Variants in TRABD2B observed in about 807,000 individuals in gnomAD.
TRABD2B encodes TraB domain containing 2B, also known as metalloprotease TIKI2.
TRABD2B carries 14 observed loss-of-function variants against 40.1 expected under a neutral mutation model. The ratio of observed to expected loss-of-function variants is 0.35; its 90% CI spans 0.23 to 0.55. The LOEUF is 0.55. TRABD2B is among the 20% of genes least tolerant of loss of function. The pLI is 0.90. For synonymous variants in TRABD2B, 263 were observed against 277.0 expected, an observed-to-expected ratio of 0.95 and a Z score of 0.50; for missense variants, 541 against 648.6, an observed-to-expected ratio of 0.83 and a Z score of 1.80.
intron 2 of TRABD2B, among the ~76,000 whole-genome samples, chr1:47,883,605 C>A (rs7531348): frequency 6.6e-6 from 1 of 152,132 alleles, no homozygotes; most frequent in East Asian, 1.9e-4. Flanking sequence ...AGCTGTGTCA[C>A]AAGTCAGGAC....
At chr1:47,767,766 C>T (rs12409657) in intron 6 of TRABD2B, among the ~76,000 whole-genome samples, 33,913 of 152,202 alleles carry the variant, frequency 0.22, 4,207 homozygotes, top group East Asian at 0.4. Flanking sequence ...GCCTTCCTGC[C>T]ACGCTTCCCA....
intron 2 of TRABD2B, among the ~76,000 whole-genome samples, chr1:47,865,718 T>A (rs183464808): frequency 1.2e-4 from 18 of 152,292 alleles, no homozygotes; most frequent in Non-Finnish European, 2.5e-4. Context: ...CTAATGATCC[T>A]CTGGCCTTGC....
At chr1:47,899,844 A>C (rs143050405) in intron 2 of TRABD2B, among the ~76,000 whole-genome samples, 114 of 152,286 alleles carry the variant, frequency 7.5e-4, no homozygotes, top group African/African-American at 2.5e-3. Context: ...CAGTGCTGTC[A>C]GAGTGCAGCC....
chr1:47,813,556 T>C lies in TRABD2B; in HGVS notation c.667-11937A>G, dbSNP rs1468012507. Among the ~76,000 whole-genome samples, 1 of 152,190 alleles carries C rather than the reference T, an allele frequency of 6.6e-6. No individual in the cohort carries two copies. The highest frequency in any genetic ancestry group is 6.5e-5 in the Admixed American group (1 of 15,280). The stretch of plus-strand genomic sequence containing the variant: ...GTGTGAAGTTCTTATTCTGGCTCTT[T>C]GGGGCAGACTCTTCTCTTCTCTTTG... On this transcript the variant is annotated intron_variant, in intron 2 of 6. Coordinates refer to ENST00000606738, the MANE Select transcript of TRABD2B (RefSeq NM_001194986.2). This position sits in a 1 kb window ranked among gnomAD's most constrained non-coding sequence, Gnocchi z 4.3.
chr1:47,897,593 G>T (rs1196495856), intron 2 of TRABD2B, among the ~76,000 whole-genome samples: 1 of 152,178 alleles, frequency 6.6e-6, no homozygotes, highest in East Asian at 1.9e-4. Flanking sequence ...AAAAGGCAAG[G>T]TAGGGCCACC....
intron 2 of TRABD2B, among the ~76,000 whole-genome samples, chr1:47,923,309 T>C (rs558919131): frequency 1.3e-5 from 2 of 152,356 alleles, no homozygotes; most frequent in South Asian, 4.1e-4. Context: ...AATTACTTGT[T>C]CAAGATGAGT....
At chr1:47,858,913 G>A (rs1293786691) in intron 2 of TRABD2B, among the ~76,000 whole-genome samples, 2 of 152,152 alleles carry the variant, frequency 1.3e-5, no homozygotes, top group Non-Finnish European at 2.9e-5. Context: ...TTCTGGGCAT[G>A]GGAACCATGG....
intron 2 of TRABD2B, among the ~76,000 whole-genome samples, chr1:47,847,202 G>A (rs114052951): frequency 0.017 from 2,604 of 152,222 alleles, 73 homozygotes; most frequent in African/African-American, 0.059. Flanking sequence ...AGGTTAAAGA[G>A]GACACTACCT....
rs905512003 is a variant in TRABD2B, at chr1:47,994,483, T to C, written c.217A>G (p.Lys73Glu). Reference protein sequence around the residue: ...RVWDFIPDNSKAAFQASTRVY... With the variant: ...RVWDFIPDNSEAAFQASTRVY... ...CGGGTGCTAGCCTGGAAGGCTGCCT[T>C]GGAGTTGTCCGGGATGAAGTCCCAG... is the stretch of plus-strand genomic sequence containing the variant. Residue 73 changes from lysine to glutamate, a missense_variant, in exon 2 of 7, where the codon AAG (lysine) becomes GAG (glutamate). Lys to Glu is a moderately conservative substitution (Grantham distance 56). This residue lies in a region of TRABD2B where 369 missense variants were observed against 492.8 expected (regional missense o/e 0.75). Coordinates refer to ENST00000606738, the MANE Select transcript of TRABD2B (RefSeq NM_001194986.2). This position sits in a 1 kb window ranked among gnomAD's most constrained non-coding sequence, Gnocchi z 6.7. 5 of 1,536,104 alleles carry C rather than the reference T, an allele frequency of 3.3e-6. No individual in the cohort carries two copies. The highest frequency in any genetic ancestry group is 3.5e-6 in the Non-Finnish European group (4 of 1,146,890).
chr1:47,793,496 G>A (rs899085128), intron 4 of TRABD2B, among the ~76,000 whole-genome samples: 1 of 152,350 alleles, frequency 6.6e-6, no homozygotes, highest in East Asian at 1.9e-4. Flanking sequence ...CATCCACAAG[G>A]GCCCTGGTGG....
At chr1:47,939,800 C>G (rs1645161862) in intron 2 of TRABD2B, among the ~76,000 whole-genome samples, 1 of 152,180 alleles carries the variant, frequency 6.6e-6, no homozygotes, top group African/African-American at 2.4e-5. Context: ...AAACTCAGAG[C>G]TTCCTAGGAA....
chr1:47,797,368 C>G lies in TRABD2B; in HGVS notation c.814-2608G>C, dbSNP rs556614983. Among the ~76,000 whole-genome samples the G allele has an allele frequency of 7.2e-5, 11 of 152,214 alleles. No homozygotes were observed. The South Asian group carries it at 2.1e-3, about 29-fold the overall frequency. On this transcript the variant is annotated intron_variant, in intron 3 of 6. Coordinates refer to ENST00000606738, the MANE Select transcript of TRABD2B (RefSeq NM_001194986.2). Reference sequence around the variant, plus strand: ...TCCCAGTGAAGGGTGGCTTTGGGCACAGGGTAAGGATGAAGATGACAAATA... The same window carrying G: ...TCCCAGTGAAGGGTGGCTTTGGGCAGAGGGTAAGGATGAAGATGACAAATA...
chr1:47,933,966 T>G (rs1166571935), intron 2 of TRABD2B, among the ~76,000 whole-genome samples: 1 of 152,224 alleles, frequency 6.6e-6, no homozygotes, highest in Non-Finnish European at 1.5e-5. Context: ...TTAATTTAGT[T>G]TAGGTTTAAA....
At chr1:47,861,293 G>A (rs72894245) in intron 2 of TRABD2B, among the ~76,000 whole-genome samples, 5,518 of 152,064 alleles carry the variant, frequency 0.036, 325 homozygotes, top group African/African-American at 0.13. Flanking sequence ...TGGGGGTGGC[G>A]GGGGTATGTT....
At chr1:47,892,131 G>C (rs201565870) in intron 2 of TRABD2B, among the ~76,000 whole-genome samples, 1 of 152,232 alleles carries the variant, frequency 6.6e-6, no homozygotes, top group Non-Finnish European at 1.5e-5. Context: ...CTTATTACAC[G>C]CAATTGTGGT....
chr1:47,764,784 A>G lies in TRABD2B; in HGVS notation c.*1118T>C, dbSNP rs1193996068. The G allele has an allele frequency of 1.3e-5, 2 of 152,198 alleles. No homozygotes were observed. The highest frequency in any genetic ancestry group is 2.9e-5 in the Non-Finnish European group (2 of 68,082). 9.4% of individuals were successfully genotyped at this position (152,198 alleles called of 1,614,324 possible). A position where few individuals can be genotyped will look rare whatever the true frequency, so the allele number is the denominator to read the frequency against. Reference sequence around the variant, plus strand: ...GGAGGCAGGAATTGTTTTGCATCACACTGATCTGGGGCCACATCCTGGCTG... The same window carrying G: ...GGAGGCAGGAATTGTTTTGCATCACGCTGATCTGGGGCCACATCCTGGCTG... On this transcript the variant is annotated 3_prime_UTR_variant, in exon 7 of 7. Transcript: ENST00000606738.
At chr1:47,989,674 G>A (rs1223778017) in intron 2 of TRABD2B, among the ~76,000 whole-genome samples, 1 of 151,948 alleles carries the variant, frequency 6.6e-6, no homozygotes, top group Non-Finnish European at 1.5e-5. Context: ...ATAAGTCAAG[G>A]AGAAAATCAG....
intron 2 of TRABD2B, among the ~76,000 whole-genome samples, chr1:47,905,670 CTCTG>C (rs1644666788): frequency 6.6e-6 from 1 of 152,188 alleles, no homozygotes; most frequent in African/African-American, 2.4e-5. Context: ...CCTTTTCTCT[CTCTG>C]TATGTCTATC....
chr1:47,942,855 T>C (rs1178318084), intron 2 of TRABD2B, among the ~76,000 whole-genome samples: 1 of 152,210 alleles, frequency 6.6e-6, no homozygotes, highest in African/African-American at 2.4e-5. Context: ...GAGCTGGGAT[T>C]TGAATGAGGC....
Sources: gnomAD v4.1 joint callset for allele counts (sites outside exome capture counted in the v4.1 genomes callset) on GRCh38, gnomAD v4.1.1 for gene constraint, gnomAD v4.1.1 regional missense constraint, Gnocchi (gnomAD v3.1) non-coding constraint, MANE v1.5 for transcripts, NCBI Gene and HGNC (gene_info 2026-07-23, HGNC 2026-07-21) for gene names.